Variants in GLT1D1 observed in about 807,000 individuals in gnomAD.
GLT1D1 encodes the protein glycosyltransferase 1 domain-containing protein 1.
A neutral mutation model predicts 28.7 loss-of-function variants in GLT1D1; 21 were observed. That is an observed-to-expected ratio of 0.73 (90% CI 0.52 to 1.05). GLT1D1 has a LOEUF of 1.05. Ranked by LOEUF, GLT1D1 falls within the 50% of genes least tolerant of loss-of-function variation. The pLI, the probability that GLT1D1 is intolerant of heterozygous loss-of-function variation, is 0.00. For missense variants in GLT1D1, 343 were observed against 330.6 expected (o/e 1.04, Z -0.29); for synonymous variants, 147 against 124.8 (o/e 1.18, Z -1.19).
At position 128,947,461 on chromosome 12, in the gene GLT1D1, A is replaced by C; in HGVS notation, c.540+3A>C. The C allele has an allele frequency of 8.7e-6, 14 of 1,614,092 alleles. No individual in the cohort carries two copies. Among genetic ancestry groups the C allele is most frequent in the Non-Finnish European group, 1.2e-5 (14 of 1,179,996 alleles). Reference sequence around the variant, plus strand: ...GCATGTCAGCTGCAATTTTGGAGGTAATTATGTAACTCGAGTACTGAAAGT... The same window carrying C: ...GCATGTCAGCTGCAATTTTGGAGGTCATTATGTAACTCGAGTACTGAAAGT... On this transcript the variant is annotated splice_donor_region_variant and intron_variant, in intron 6 of 7. Transcript: ENST00000281703.
chr12:128,870,506 T>C (rs1249987995), intron 1 of GLT1D1, among the ~76,000 whole-genome samples: 1 of 152,176 alleles, frequency 6.6e-6, no homozygotes, highest in African/African-American at 2.4e-5. Context: ...TTGGGAATAA[T>C]AGGTGCTTAG....
At chr12:128,915,058 G>T in intron 4 of GLT1D1, 69 bp downstream of exon 6, 1 of 1,268,330 alleles carries the variant, frequency 7.9e-7, no homozygotes, top group South Asian at 1.3e-5. Context: ...AGGAGCTTGT[G>T]ACGTTCATGC....
intron 1 of GLT1D1, among the ~76,000 whole-genome samples, chr12:128,866,577 C>G (rs1446555019): frequency 6.6e-6 from 1 of 150,808 alleles, no homozygotes; most frequent in Non-Finnish European, 1.5e-5. Context: ...CATCTTTTCC[C>G]CCACAGTATC....
intron 7 of GLT1D1, among the ~76,000 whole-genome samples, chr12:128,960,307 C>T (rs1038727466): frequency 2.1e-4 from 32 of 152,166 alleles, no homozygotes; most frequent in Non-Finnish European, 3.8e-4. Context: ...GTTTTCTTTA[C>T]GGTCTTCTTC....
Position 128,900,421 on chromosome 12 carries a change from G to T in GLT1D1, c.375+1134G>T, listed in dbSNP as rs570166678. ...TGCACTGGGACAAGGGCAGAACCCA[G>T]TCATCTGTGGTCTCTTCCGAAAGCT... On this transcript the variant is annotated intron_variant, in intron 4 of 7. Coordinates refer to ENST00000281703, the MANE Select transcript of GLT1D1 (RefSeq NM_144669.3). Among the ~76,000 whole-genome samples, 12 of 152,306 alleles carry T rather than the reference G, an allele frequency of 7.9e-5. 1 individual carries two copies. The South Asian group carries it at 2.5e-3, about 32-fold the overall frequency.
chr12:128,871,384 G>A (rs1490272891), intron 1 of GLT1D1, among the ~76,000 whole-genome samples: 2 of 152,176 alleles, frequency 1.3e-5, no homozygotes, highest in Non-Finnish European at 2.9e-5. Context: ...GAGAAGGAAT[G>A]TTACTGACCC....
At chr12:128,878,357 G>A (rs1956923996) in intron 2 of GLT1D1, among the ~76,000 whole-genome samples, 2 of 152,160 alleles carry the variant, frequency 1.3e-5, no homozygotes, top group Admixed American at 6.5e-5. Context: ...GTGCAGAGGT[G>A]CCATCATTTA....
chr12:128,866,635 T>C (rs990796323), intron 1 of GLT1D1, among the ~76,000 whole-genome samples: 3 of 148,904 alleles, frequency 2.0e-5, no homozygotes, highest in Admixed American at 1.3e-4. Context: ...TTTTTTTTTT[T>C]CTTGAGACCA....
At chr12:128,870,984 G>A (rs563257610) in intron 1 of GLT1D1, among the ~76,000 whole-genome samples, 25 of 152,184 alleles carry the variant, frequency 1.6e-4, no homozygotes, top group Non-Finnish European at 2.2e-4. Context: ...GAGCAAGACC[G>A]TATCTCAAAA....
At chr12:128,912,497 G>C in intron 4 of GLT1D1, 37 bp downstream of exon 5, 1 of 1,159,550 alleles carries the variant, frequency 8.6e-7, no homozygotes, top group Non-Finnish European at 1.2e-6. Flanking sequence ...TTATGTACAG[G>C]GATAGAGAAT....
At chr12:128,898,027 ATCTT>A (rs1407111145) in intron 3 of GLT1D1, among the ~76,000 whole-genome samples, 1 of 151,516 alleles carries the variant, frequency 6.6e-6, no homozygotes, top group Non-Finnish European at 1.5e-5. Context: ...TTTGGTTTTG[ATCTT>A]TCTATCTTTT....
At chr12:128,927,274 T>G (rs1035487316) in intron 4 of GLT1D1, 120 bp downstream of exon 8, 1 of 783,450 alleles carries the variant, frequency 1.3e-6, no homozygotes, top group Non-Finnish European at 2.1e-6. Flanking sequence ...AGTCTTGCTC[T>G]GTCCCCCAGG....
At chr12:128,961,235 C>A (rs984590516) in intron 7 of GLT1D1, among the ~76,000 whole-genome samples, 1 of 152,146 alleles carries the variant, frequency 6.6e-6, no homozygotes, top group Admixed American at 6.6e-5. Flanking sequence ...CCAGGAAGTT[C>A]CATCATCTGT....
intron 7 of GLT1D1, among the ~76,000 whole-genome samples, chr12:128,969,113 C>G (rs1878775067): frequency 8.0e-6 from 1 of 125,294 alleles, no homozygotes; most frequent in African/African-American, 4.5e-5. Context: ...GTGTCTCTCT[C>G]TGTCTCTGTT....
chr12:128,971,794 T>G (rs1593209724), intron 7 of GLT1D1, among the ~76,000 whole-genome samples: 1 of 29,452 alleles, frequency 3.4e-5, no homozygotes, highest in South Asian at 1.8e-3. Flanking sequence ...CCCTCCTCCC[T>G]TCCTCCCTTC....
intron 2 of GLT1D1, among the ~76,000 whole-genome samples, chr12:128,878,804 A>G (rs1032182986): frequency 8.6e-5 from 13 of 151,970 alleles, no homozygotes; most frequent in Non-Finnish European, 1.9e-4. Flanking sequence ...TTTTAGAGAC[A>G]AGGTCTTGCC....
intron 7 of GLT1D1, among the ~76,000 whole-genome samples, chr12:128,962,609 C>T (rs538497466): frequency 6.6e-6 from 1 of 152,218 alleles, no homozygotes; most frequent in Non-Finnish European, 1.5e-5. Context: ...GTCAGACATA[C>T]AGCCCTTGCT....
intron 4 of GLT1D1, among the ~76,000 whole-genome samples, chr12:128,906,704 G>A (rs755141896): frequency 6.6e-6 from 1 of 151,452 alleles, no homozygotes; most frequent in Non-Finnish European, 1.5e-5. Context: ...TATCTTTAGA[G>A]TGAGGTTTTT....
chr12:128,951,567 C>T (rs1876693118), intron 6 of GLT1D1, among the ~76,000 whole-genome samples: 1 of 152,116 alleles, frequency 6.6e-6, no homozygotes, highest in African/African-American at 2.4e-5. Flanking sequence ...TTGTCTTAGT[C>T]CCAGAGTGGG....
Sources: allele counts gnomAD v4.1 joint callset (sites outside exome capture counted in the v4.1 genomes callset), GRCh38; gene constraint gnomAD v4.1.1; transcripts MANE v1.5; gene names NCBI Gene and HGNC (gene_info 2026-07-23, HGNC 2026-07-21).